MAPK6: variants seen among roughly 807,000 people sequenced by gnomAD.
MAPK6 encodes mitogen-activated protein kinase 6.
In MAPK6, 19 loss-of-function variants were observed where a neutral mutation model predicts 59.3. The ratio of observed to expected loss-of-function variants is 0.32; its 90% CI spans 0.22 to 0.47. The LOEUF is 0.47. Among genes scored for constraint, MAPK6 ranks in the 20% least tolerant of loss-of-function variants. MAPK6 has a pLI of 1.00. For missense variants in MAPK6, 724 were observed against 847.9 expected (o/e 0.85, Z 1.81); for synonymous variants, 316 against 290.3 (o/e 1.09, Z -0.90).
exon 1 of MAPK6, chr15:51,971,843 C>T (rs1566890771): frequency 4.6e-6 from 6 of 1,291,088 alleles, no homozygotes; most frequent in South Asian, 1.2e-5. Context: ...AAAGATTCGC[C>T]GAAGACACTC....
chr15:52,037,350 T>G (rs1012736186), intron 1 of MAPK6, among the ~76,000 whole-genome samples: 2 of 152,160 alleles, frequency 1.3e-5, no homozygotes, highest in African/African-American at 4.8e-5. Flanking sequence ...CAGAGTTAGC[T>G]CAAAAACAAC....
At chr15:52,024,873 A>G (rs573755413) in intron 1 of MAPK6, among the ~76,000 whole-genome samples, 5 of 118,788 alleles carry the variant, frequency 4.2e-5, no homozygotes, top group African/African-American at 1.2e-4. Context: ...GCCATCATAC[A>G]CTGCCTTTTT....
At chr15:52,012,586 T>G (rs543327490) in intron 3 of MAPK6, among the ~76,000 whole-genome samples, 1 of 152,288 alleles carries the variant, frequency 6.6e-6, no homozygotes, top group African/African-American at 2.4e-5. Flanking sequence ...TTAAAAAGAT[T>G]CTTTGCAACC....
At chr15:52,022,033 T>C (rs895436398) in intron 1 of MAPK6, among the ~76,000 whole-genome samples, 4 of 152,082 alleles carry the variant, frequency 2.6e-5, no homozygotes, top group Non-Finnish European at 5.9e-5. Flanking sequence ...AATGGCAGTT[T>C]AAGAGTGGGG....
intron 2 of MAPK6, among the ~76,000 whole-genome samples, chr15:52,003,222 G>T (rs571219831): frequency 3.3e-5 from 5 of 151,710 alleles, no homozygotes; most frequent in African/African-American, 1.2e-4. Flanking sequence ...AAAAAAACAC[G>T]ATCAGATCTC....
rs968450407 is a variant in MAPK6, at chr15:52,066,110, C to G, written c.*1110C>G. 7.9e-5 allele frequency: 12 copies of G among 152,694 alleles called. No homozygotes were observed. Among genetic ancestry groups the G allele is most frequent in the Non-Finnish European group, 1.6e-4 (11 of 68,028 alleles). The allele number at this position is 152,694 out of a possible 1,614,324, so 9.5% of individuals were successfully genotyped here. ...TTTACTGAATGATCTATTCCCCATCCCAAGGCAAGCATGAATAAAATTAGG... is the reference window on the plus strand; with the variant it reads ...TTTACTGAATGATCTATTCCCCATCGCAAGGCAAGCATGAATAAAATTAGG... On this transcript the variant is annotated 3_prime_UTR_variant, in exon 6 of 6. Coordinates refer to ENST00000261845, the MANE Select transcript of MAPK6 (RefSeq NM_002748.4).
chr15:52,019,758 G>A (rs1194264336), intron 1 of MAPK6, among the ~76,000 whole-genome samples: 1 of 151,764 alleles, frequency 6.6e-6, no homozygotes, highest in East Asian at 1.9e-4. Flanking sequence ...CGCCGCCTGC[G>A]CCTGGCTCCG....
intron 2 of MAPK6, chr15:52,004,162 G>C (rs2057250675): frequency 6.6e-6 from 1 of 152,244 alleles, no homozygotes; most frequent in South Asian, 2.1e-4. Flanking sequence ...GAGTCACAGA[G>C]GGAGGAGGGA....
intron 1 of MAPK6, among the ~76,000 whole-genome samples, chr15:52,020,669 G>A (rs983621883): frequency 6.6e-6 from 1 of 152,166 alleles, no homozygotes; most frequent in Non-Finnish European, 1.5e-5. Flanking sequence ...TCCAAACAGG[G>A]CCTGGCCCTG....
intron 1 of MAPK6, among the ~76,000 whole-genome samples, chr15:52,030,008 GTTCC>G (rs1566904637): frequency 6.6e-6 from 1 of 152,208 alleles, no homozygotes; most frequent in African/African-American, 2.4e-5. Flanking sequence ...TGCCTCATGT[GTTCC>G]TTCCTTCCTC....
rs186980133 is a variant in MAPK6, at chr15:51,981,129, G to C, written c.-879-2077G>C. ...TTACTCCCTATACAAATGAGAGTTT[G>C]GACATGCAAATATAAGCTTGGAAAA... is the stretch of plus-strand genomic sequence containing the variant. On this transcript the variant is annotated intron_variant, in intron 1 of 7. Transcript: ENST00000691380. Among the ~76,000 whole-genome samples, 168 of 151,836 alleles carry C rather than the reference G, an allele frequency of 1.1e-3. 1 individual carries two copies. The South Asian group carries it at 0.013, about 12-fold the overall frequency.
chr15:52,018,137 C>G (rs1449725222), upstream of MAPK6: 1 of 152,230 alleles, frequency 6.6e-6, no homozygotes, highest in African/African-American at 2.4e-5. Flanking sequence ...AAGCTATTCT[C>G]CTGCCTCAGC....
chr15:52,064,301 G>T lies in MAPK6; in HGVS notation c.1467G>T (p.Lys489Asn). ...WKEQSKEKSDKKGKSKCERNG... is the reference protein window; with the variant it reads ...WKEQSKEKSDNKGKSKCERNG... Reference sequence around the variant, plus strand: ...AACAAAGCAAAGAAAAATCTGATAAGAAAGGCAAATCAAAATGTGAAAGGA... The same window carrying T: ...AACAAAGCAAAGAAAAATCTGATAATAAAGGCAAATCAAAATGTGAAAGGA... The change falls in exon 6 of 6, where the codon AAG becomes AAT. Residue 489 changes from lysine (K) to asparagine (N), a missense_variant. Transcript: ENST00000261845. 6.2e-7 allele frequency: 1 copy of T among 1,609,918 alleles called. No homozygotes were observed. The highest frequency in any genetic ancestry group is 1.1e-5 in the South Asian group (1 of 90,660).
At chr15:52,013,017 AAAAATATATATATATATATATATATAT>A (rs2030130615) in intron 3 of MAPK6, among the ~76,000 whole-genome samples, 1 of 35,604 alleles carries the variant, frequency 2.8e-5, no homozygotes, top group African/African-American at 1.3e-4. Flanking sequence ...AAAAAAAAAA[AAAAATATATATATATATATATATATAT>A]ATATATATAT....
chr15:52,026,143 G>T (rs2030765395), intron 1 of MAPK6, among the ~76,000 whole-genome samples: 1 of 152,206 alleles, frequency 6.6e-6, no homozygotes. Context: ...TAGTTATCCT[G>T]TGGAAAGCAT....
At position 52,065,678 on chromosome 15, in the gene MAPK6, A is replaced by G. The variant is rs914292660; in HGVS notation, c.*678A>G. On this transcript the variant is annotated 3_prime_UTR_variant, in exon 6 of 6. Coordinates refer to ENST00000261845, the MANE Select transcript of MAPK6 (RefSeq NM_002748.4). The stretch of plus-strand genomic sequence containing the variant: ...CATCACATCTTATTTATTTTAGCAA[A>G]TCAGTATATTTTCTGTATTTAATTA... 6.6e-6 allele frequency: 1 copy of G among 152,644 alleles called. No individual in the cohort carries two copies. Among genetic ancestry groups the G allele is most frequent in the African/African-American group, 2.4e-5 (1 of 41,456 alleles). 9.5% of individuals were successfully genotyped at this position (152,644 alleles called of 1,614,324 possible). A position where few individuals can be genotyped will look rare whatever the true frequency, so the allele number is the denominator to read the frequency against.
At chr15:52,049,693 C>T (rs900538232) in intron 2 of MAPK6, among the ~76,000 whole-genome samples, 6 of 151,362 alleles carry the variant, frequency 4.0e-5, no homozygotes, top group African/African-American at 1.5e-4. Flanking sequence ...CGGCTCACCG[C>T]AACCTCTACC....
intron 1 of MAPK6, among the ~76,000 whole-genome samples, chr15:51,973,997 A>G (rs1216344559): frequency 2.0e-5 from 3 of 151,852 alleles, no homozygotes; most frequent in African/African-American, 7.2e-5. Flanking sequence ...TCTACTCATT[A>G]TCTTTCTTCA....
At chr15:52,061,227 G>A in intron 4 of MAPK6, 72 bp from the exon 5 acceptor site, 1 of 1,125,596 alleles carries the variant, frequency 8.9e-7, no homozygotes, top group Non-Finnish European at 1.4e-6. Context: ...TGAAATAAAT[G>A]AGATCAACAT....
Sources: allele counts gnomAD v4.1 joint callset (sites outside exome capture counted in the v4.1 genomes callset), GRCh38; gene constraint gnomAD v4.1.1; transcripts MANE v1.5; gene names NCBI Gene and HGNC (gene_info 2026-07-23, HGNC 2026-07-21).